The following ELOVL5 variants were observed in gnomAD, a reference collection of about 807,000 sequenced individuals.
ELOVL5 encodes ELOVL fatty acid elongase 5, also known as very long chain fatty acid elongase 5.
Under a neutral mutation model 38.6 loss-of-function variants are expected in ELOVL5, and 8 were observed. The observed-to-expected ratio is 0.21, with a 90% CI of 0.12 to 0.37. The LOEUF (loss-of-function observed/expected upper bound fraction) is 0.37, where lower values mean the gene tolerates loss of function less well. Among genes scored for constraint, ELOVL5 ranks in the 10% least tolerant of loss-of-function variants. The probability of loss-of-function intolerance (pLI) is 1.00; values close to 1 mark genes in which losing one functional copy is unlikely to be tolerated. For synonymous variants in ELOVL5, 127 were observed against 133.7 expected (o/e 0.95, Z 0.34); for missense variants, 280 against 367.8 (o/e 0.76, Z 1.95).
chr6:53,333,752 T>C (rs1768908835), intron 1 of ELOVL5, among the ~76,000 whole-genome samples: 1 of 152,178 alleles, frequency 6.6e-6, no homozygotes, highest in African/African-American at 2.4e-5. Context: ...TAAAGCAGTT[T>C]TCATGTGTGG....
At chr6:53,287,481 G>A (rs551217195) in intron 3 of ELOVL5, among the ~76,000 whole-genome samples, 2 of 152,134 alleles carry the variant, frequency 1.3e-5, no homozygotes, top group Non-Finnish European at 2.9e-5. Flanking sequence ...GATGCTAAGG[G>A]GCACATCATG....
rs144284797 is a variant in ELOVL5 at position 53,327,947 on chromosome 6, T to C, written c.-9+20870A>G. ...TTTTCCCCTCAAATCTCATCTACAA[T>C]GATCCCAAGACCCCATAAAAGTCAG... On this transcript the variant is annotated intron_variant, in intron 1 of 7. Coordinates refer to ENST00000304434, the MANE Select transcript of ELOVL5 (RefSeq NM_021814.5). Among the ~76,000 whole-genome samples the C allele has an allele frequency of 3.8e-3, 584 of 152,270 alleles. 2 individuals are homozygous for C. Among genetic ancestry groups the C allele is most frequent in the African/African-American group, 0.012 (516 of 41,546 alleles).
At chr6:53,328,049 T>C (rs938108228) in intron 1 of ELOVL5, among the ~76,000 whole-genome samples, 1 of 152,050 alleles carries the variant, frequency 6.6e-6, no homozygotes, top group Non-Finnish European at 1.5e-5. Context: ...CAACCACAGA[T>C]AGTAAAAAAC....
intron 3 of ELOVL5, chr6:53,287,999 G>C: frequency 7.1e-7 from 1 of 1,412,972 alleles, no homozygotes; most frequent in Non-Finnish European, 9.7e-7. Context: ...CTGAGGCACA[G>C]CAGGAGAAGA....
At chr6:53,269,394 C>T (rs1318053150) in intron 7 of ELOVL5, 124 bp from the exon 8 acceptor site, 6 of 664,480 alleles carry the variant, frequency 9.0e-6, no homozygotes, top group Non-Finnish European at 1.4e-5. Context: ...AGGAGAAACT[C>T]CTGAGGTCAA....
intron 1 of ELOVL5, among the ~76,000 whole-genome samples, chr6:53,326,145 C>T (rs1248583589): frequency 1.3e-5 from 2 of 152,164 alleles, no homozygotes; most frequent in South Asian, 2.1e-4. Flanking sequence ...ACTCAGTCAT[C>T]TCTTAGCCTG....
chr6:53,307,800 A>G (rs1767647189), intron 1 of ELOVL5, among the ~76,000 whole-genome samples: 3 of 152,172 alleles, frequency 2.0e-5, no homozygotes, highest in Non-Finnish European at 4.4e-5. Context: ...GCAGAAATAA[A>G]TCTGCATCTG....
intron 1 of ELOVL5, among the ~76,000 whole-genome samples, chr6:53,315,218 T>C (rs1402857297): frequency 6.6e-6 from 1 of 152,176 alleles, no homozygotes; most frequent in East Asian, 1.9e-4. Flanking sequence ...GACATGGGGA[T>C]GGGTAGAGAG....
intron 1 of ELOVL5, among the ~76,000 whole-genome samples, chr6:53,346,143 T>C (rs1769532548): frequency 6.6e-6 from 1 of 152,142 alleles, no homozygotes; most frequent in Non-Finnish European, 1.5e-5. Context: ...CTCCCACTTA[T>C]GAGTGAGAAT....
chr6:53,271,566 C>T (rs371159756), intron 6 of ELOVL5, among the ~76,000 whole-genome samples: 88 of 151,314 alleles, frequency 5.8e-4, no homozygotes, highest in Middle Eastern at 3.5e-3. Context: ...GCCCCTCCCC[C>T]CAAAAAAAGG....
rs1465227250 is a variant in ELOVL5, at chr6:53,269,044, C to T, written c.*83G>A. The T allele has an allele frequency of 6.6e-7, 1 of 1,504,022 alleles. No homozygotes were observed. The highest frequency in any genetic ancestry group is 1.4e-5 in the African/African-American group (1 of 72,096). 93.2% of individuals were successfully genotyped at this position (1,504,022 alleles called of 1,614,324 possible). On this transcript the variant is annotated 3_prime_UTR_variant, in exon 8 of 8. Transcript: ENST00000304434. ...CTATTGTAGGCCAGACTAGTTACAG[C>T]AGCTGTTAACGAGCATTGGGGCACA...
At chr6:53,273,405 T>TA (rs35189966) in intron 5 of ELOVL5, 61 bp from the exon 6 acceptor site, 28,098 of 1,167,592 alleles carry the variant, frequency 0.024, 2 homozygotes, top group Non-Finnish European at 0.027. Flanking sequence ...GAACAGGTGG[T>TA]AAAAAAAAAA....
chr6:53,274,876 C>T (rs1178633166), intron 5 of ELOVL5, among the ~76,000 whole-genome samples: 1 of 152,182 alleles, frequency 6.6e-6, no homozygotes, highest in African/African-American at 2.4e-5. Context: ...CCAGTGGTAT[C>T]TCCCTCATCT....
At chr6:53,316,114 AC>A (rs1194361583) in intron 1 of ELOVL5, among the ~76,000 whole-genome samples, 2 of 152,214 alleles carry the variant, frequency 1.3e-5, no homozygotes, top group Non-Finnish European at 2.9e-5. Flanking sequence ...TAATGCACAA[AC>A]ACCTCAATTC....
At position 53,327,249 on chromosome 6, in the gene ELOVL5, A is replaced by G. The variant is rs577441902; in HGVS notation, c.-9+21568T>C. Among the ~76,000 whole-genome samples, 6 of 152,132 alleles carry G rather than the reference A, an allele frequency of 3.9e-5. No homozygotes were observed. The South Asian group carries it at 1.2e-3, about 32-fold the overall frequency. On this transcript the variant is annotated intron_variant, in intron 1 of 7. Coordinates refer to ENST00000304434, the MANE Select transcript of ELOVL5 (RefSeq NM_021814.5). ...TAGTCACAAATACTCCTGATGCCCA[A>G]CCTACCCCTGTGGTGCCTCACTGCT...
intron 1 of ELOVL5, among the ~76,000 whole-genome samples, chr6:53,324,742 G>A (rs563662186): frequency 1.4e-4 from 21 of 148,932 alleles, no homozygotes; most frequent in African/African-American, 5.3e-4. Context: ...CTATAGCAAC[G>A]ACTCTGGGAT....
intron 1 of ELOVL5, among the ~76,000 whole-genome samples, chr6:53,304,997 G>A (rs2127579608): frequency 6.6e-6 from 1 of 151,852 alleles, no homozygotes; most frequent in Admixed American, 6.5e-5. Flanking sequence ...TCCCAGTAGG[G>A]GCGGCCAGGC....
At position 53,310,298 on chromosome 6, in the gene ELOVL5, C is replaced by T. The variant is rs184365451; in HGVS notation, c.-8-14591G>A. On this transcript the variant is annotated intron_variant, in intron 1 of 7. Coordinates refer to ENST00000304434, the MANE Select transcript of ELOVL5 (RefSeq NM_021814.5). ...TCTAACATTTACTAAGAGCCTACTA[C>T]GTAGCTGGCTTTTCAAAGACTCACT... is the stretch of plus-strand genomic sequence containing the variant. 3.3e-3 allele frequency among the ~76,000 whole-genome samples: 496 copies of T among 152,274 alleles called. 2 individuals are homozygous for T. Among genetic ancestry groups the T allele is most frequent in the African/African-American group, 0.011 (476 of 41,556 alleles).
intron 1 of ELOVL5, among the ~76,000 whole-genome samples, chr6:53,308,895 G>T (rs917692276): frequency 9.0e-6 from 1 of 110,768 alleles, no homozygotes; most frequent in African/African-American, 3.5e-5. Flanking sequence ...GTGGGGCGGG[G>T]GGCGGGGAGG....
Sources: allele counts gnomAD v4.1 joint callset (sites outside exome capture counted in the v4.1 genomes callset), GRCh38; gene constraint gnomAD v4.1.1; transcripts MANE v1.5; gene names NCBI Gene and HGNC (gene_info 2026-07-23, HGNC 2026-07-21).